NYAP2: variants seen among roughly 807,000 people sequenced by gnomAD.
NYAP2 encodes neuronal tyrosine-phosphorylated phosphoinositide-3-kinase adapter 2.
Under a neutral mutation model 50.4 loss-of-function variants are expected in NYAP2, and 23 were observed. That is an observed-to-expected ratio of 0.46 (90% confidence interval 0.33 to 0.65). The LOEUF (loss-of-function observed/expected upper bound fraction) is 0.65. Among genes scored for constraint, NYAP2 ranks in the 30% least tolerant of loss-of-function variants. NYAP2 has a pLI of 0.02. For missense variants in NYAP2, 885 were observed against 861.0 expected (o/e 1.03, Z -0.35); for synonymous variants, 394 against 365.2 (o/e 1.08, Z -0.90).
chr2:225,650,458 G>C (rs1043564292), intron 6 of NYAP2, among the ~76,000 whole-genome samples: 3 of 152,172 alleles, frequency 2.0e-5, no homozygotes, highest in African/African-American at 7.2e-5. Flanking sequence ...ATAAAGAAAG[G>C]CTTTTTGAAA....
intron 4 of NYAP2, among the ~76,000 whole-genome samples, chr2:225,515,539 T>G (rs1690914647): frequency 6.6e-6 from 1 of 152,146 alleles, no homozygotes; most frequent in Admixed American, 6.6e-5. Context: ...CATTTGATTC[T>G]TTTTCTCATG....
rs138532668 is a variant in NYAP2 at position 225,451,493 on chromosome 2, T to TTA, written c.221+42406_221+42407dup. Among the ~76,000 whole-genome samples, 110 of 150,144 alleles carry TTA rather than the reference T, an allele frequency of 7.3e-4. 1 individual carries two copies. Among genetic ancestry groups the TTA allele is most frequent in the East Asian group, 2.3e-3 (12 of 5,166 alleles). On this transcript the variant is annotated intron_variant, in intron 3 of 6. Coordinates refer to ENST00000636099, the Ensembl canonical transcript of NYAP2. ...TCTGGCACAATGCCATCACTACTTA[T>TTA]TATATATATATATATCAGGATGAAT...
At chr2:225,527,047 C>A (rs1462873678) in intron 4 of NYAP2, among the ~76,000 whole-genome samples, 1 of 152,182 alleles carries the variant, frequency 6.6e-6, no homozygotes, top group Non-Finnish European at 1.5e-5. Flanking sequence ...GTCAAGTCAT[C>A]ATGCAATGCA....
At chr2:225,443,213 T>C (rs571423768) in intron 3 of NYAP2, among the ~76,000 whole-genome samples, 1 of 152,332 alleles carries the variant, frequency 6.6e-6, no homozygotes, top group South Asian at 2.1e-4. Flanking sequence ...TTAATGCCAA[T>C]TATAATTTGA....
At chr2:225,409,240 C>G in intron 3 of NYAP2, 139 bp downstream of exon 3, 1 of 620,286 alleles carries the variant, frequency 1.6e-6, no homozygotes, top group Non-Finnish European at 2.8e-6. Context: ...GAAAGCGACC[C>G]CTCAACTATA....
intron 5 of NYAP2, among the ~76,000 whole-genome samples, chr2:225,583,367 G>A (rs189988645): frequency 1.2e-4 from 18 of 152,274 alleles, no homozygotes; most frequent in African/African-American, 3.9e-4. Flanking sequence ...TTTTAGGTAT[G>A]TGCAGATAAC....
chr2:225,573,440 C>T (rs113830469), intron 4 of NYAP2, among the ~76,000 whole-genome samples: 4,607 of 151,798 alleles, frequency 0.03, 244 homozygotes, highest in African/African-American at 0.1. Flanking sequence ...TTAGTAGAGA[C>T]GGGGTTTCAC....
the NYAP2 span, among the ~76,000 whole-genome samples, chr2:225,686,218 A>G: frequency 6.6e-6 from 1 of 152,214 alleles, no homozygotes; most frequent in Non-Finnish European, 1.5e-5. Flanking sequence ...TAAGAGATAC[A>G]AAGTTAACAT....
At chr2:225,639,919 T>C (rs1693497720) in intron 6 of NYAP2, among the ~76,000 whole-genome samples, 1 of 152,108 alleles carries the variant, frequency 6.6e-6, no homozygotes, top group Admixed American at 6.5e-5. Context: ...ACGTAGTAGA[T>C]GCCAGAACTC....
the NYAP2 span, among the ~76,000 whole-genome samples, chr2:225,675,530 T>C: frequency 1.4e-4 from 22 of 152,156 alleles, no homozygotes; most frequent in African/African-American, 4.8e-4. Context: ...CCACATTTTT[T>C]AAAAAATCAA....
At chr2:225,670,391 T>G in the NYAP2 span, among the ~76,000 whole-genome samples, 79 of 152,178 alleles carry the variant, frequency 5.2e-4, no homozygotes, top group African/African-American at 1.8e-3. Context: ...ATTTCCATAT[T>G]GGTGAGATGA....
chr2:225,657,287 T>C (rs1462112197), downstream of NYAP2, among the ~76,000 whole-genome samples: 1 of 151,918 alleles, frequency 6.6e-6, no homozygotes, highest in Non-Finnish European at 1.5e-5. Context: ...ATTTTTTGTA[T>C]TTTTAGTAGA....
intron 4 of NYAP2, among the ~76,000 whole-genome samples, chr2:225,548,958 T>C (rs1691628523): frequency 6.6e-6 from 1 of 151,812 alleles, no homozygotes; most frequent in East Asian, 1.9e-4. Context: ...CTCAGCTCAC[T>C]GCAACCTCTA....
At chr2:225,507,591 A>T (rs1478308456) in intron 3 of NYAP2, among the ~76,000 whole-genome samples, 1 of 152,238 alleles carries the variant, frequency 6.6e-6, no homozygotes, top group Admixed American at 6.5e-5. Context: ...TGATACCTTG[A>T]GTTAAATGTA....
intron 3 of NYAP2, among the ~76,000 whole-genome samples, chr2:225,495,579 A>C (rs376143592): frequency 1.8e-4 from 28 of 152,218 alleles, no homozygotes; most frequent in African/African-American, 6.3e-4. Flanking sequence ...TTGTTGAATG[A>C]CTAGGGCCTA....
intron 6 of NYAP2, among the ~76,000 whole-genome samples, chr2:225,641,860 T>C (rs1427370841): frequency 6.6e-6 from 1 of 152,040 alleles, no homozygotes; most frequent in Admixed American, 6.6e-5. Context: ...ATTTAGATTT[T>C]TTTTTTTTCT....
intron 5 of NYAP2, among the ~76,000 whole-genome samples, chr2:225,587,651 G>A (rs906910158): frequency 1.3e-5 from 2 of 152,048 alleles, no homozygotes; most frequent in Non-Finnish European, 2.9e-5. Flanking sequence ...CACAGTGCAA[G>A]AGCTTCCAAA....
intron 3 of NYAP2, among the ~76,000 whole-genome samples, chr2:225,488,356 C>T (rs931073103): frequency 3.3e-5 from 5 of 152,188 alleles, no homozygotes; most frequent in Middle Eastern, 3.4e-3. Flanking sequence ...ATAAACATAA[C>T]AGAATCTTTA....
At chr2:225,462,043 C>A (rs991334606) in intron 3 of NYAP2, among the ~76,000 whole-genome samples, 1 of 152,156 alleles carries the variant, frequency 6.6e-6, no homozygotes, top group Non-Finnish European at 1.5e-5. Context: ...TGATTTCCCC[C>A]TGCAGTCTGT....
Sources: gnomAD v4.1 joint callset for allele counts (sites outside exome capture counted in the v4.1 genomes callset) on GRCh38, gnomAD v4.1.1 for gene constraint, MANE v1.5 for transcripts, NCBI Gene and HGNC (gene_info 2026-07-23, HGNC 2026-07-21) for gene names.